COP1: variants seen among roughly 807,000 people sequenced by gnomAD.
The protein encoded by COP1 is COP1 E3 ubiquitin ligase.
A neutral mutation model predicts 101.3 loss-of-function variants in COP1; 24 were observed. The ratio of observed to expected loss-of-function variants is 0.24; its 90% CI spans 0.17 to 0.33. The LOEUF (loss-of-function observed/expected upper bound fraction) is 0.33, where lower values mean the gene tolerates loss of function less well. Ranked by LOEUF, COP1 falls within the 10% of genes least tolerant of loss-of-function variation. The probability of loss-of-function intolerance (pLI) is 1.00; values close to 1 mark genes in which losing one functional copy is unlikely to be tolerated. For synonymous variants in COP1, 347 were observed against 341.9 expected (o/e 1.01, Z -0.17); for missense variants, 663 against 906.2 (o/e 0.73, Z 3.45).
chr1:176,188,780 T>C (rs922736118), intron 1 of COP1, among the ~76,000 whole-genome samples: 1 of 151,426 alleles, frequency 6.6e-6, no homozygotes, highest in Non-Finnish European at 1.5e-5. Flanking sequence ...ATTTCCCCCC[T>C]CTCTTCCTCT....
intron 17 of COP1, 131 bp from the exon 18 acceptor site, chr1:175,987,234 C>T: frequency 2.0e-6 from 1 of 489,776 alleles, no homozygotes; most frequent in Non-Finnish European, 3.6e-6. Flanking sequence ...AAGGCTAGAT[C>T]ACAGGACTAA....
chr1:175,993,491 T>C (rs1361170942), intron 15 of COP1, among the ~76,000 whole-genome samples: 4 of 152,014 alleles, frequency 2.6e-5, no homozygotes. Flanking sequence ...AGTTGAAAAC[T>C]TTGAAAAAAA....
At position 175,983,580 on chromosome 1, in the gene COP1, G is replaced by A. The variant is rs117805422; in HGVS notation, c.2133+3363C>T. Reference sequence around the variant, plus strand: ...AAATTGGTACCAGAAGTGGGGTGCTGCTGAAAAGATACCCCAAAATGTGGA... The same window carrying A: ...AAATTGGTACCAGAAGTGGGGTGCTACTGAAAAGATACCCCAAAATGTGGA... On this transcript the variant is annotated intron_variant, in intron 18 of 19. Transcript: ENST00000367669. 2.3e-3 allele frequency among the ~76,000 whole-genome samples: 346 copies of A among 152,292 alleles called. 13 individuals carry two copies. In the East Asian group the frequency reaches 0.063, roughly 28 times the overall value.
chr1:176,163,599 A>G (rs549668065), intron 4 of COP1, among the ~76,000 whole-genome samples: 1 of 152,326 alleles, frequency 6.6e-6, no homozygotes, highest in East Asian at 1.9e-4. Context: ...AAATGTTTCA[A>G]TATAATCCTA....
In COP1 at chr1:175,988,342, T is replaced by G; in HGVS notation, c.1918A>C (p.Ile640Leu). The change falls in exon 17 of 20, where the codon ATC becomes CTC. Residue 640 changes from isoleucine to leucine, a missense_variant. Around this residue, in one of 4 missense-constraint regions of COP1, gnomAD observed 209 missense variants for 383.3 expected, o/e 0.55. Coordinates refer to ENST00000367669, the MANE Select transcript of COP1 (RefSeq NM_022457.7). ...PYCLRSFKGH[I>L]NEKNFVGLAS... is the part of the protein sequence containing the mutation. ...AGGCCTACAAAGTTTTTTTCATTGA[T>G]ATGACCCTTGAAGGAACGTAGGCAG... 1 of 1,612,808 alleles carries G rather than the reference T, an allele frequency of 6.2e-7. No individual in the cohort carries two copies. The highest frequency in any genetic ancestry group is 1.1e-5 in the South Asian group (1 of 90,996).
At chr1:176,093,875 T>C (rs957058830) in intron 9 of COP1, among the ~76,000 whole-genome samples, 1 of 148,350 alleles carries the variant, frequency 6.7e-6, no homozygotes, top group African/African-American at 2.5e-5. Flanking sequence ...AAAAACAAGT[T>C]AGCTGGGCAT....
intron 9 of COP1, among the ~76,000 whole-genome samples, chr1:176,112,679 G>A (rs1685503230): frequency 6.6e-6 from 1 of 151,970 alleles, no homozygotes; most frequent in African/African-American, 2.4e-5. Context: ...CTGTATTTTT[G>A]TACCCATTAA....
chr1:176,006,485 A>G (rs1663251946), intron 15 of COP1, among the ~76,000 whole-genome samples: 1 of 152,196 alleles, frequency 6.6e-6, no homozygotes, highest in South Asian at 2.1e-4. Flanking sequence ...AGTGGCTGGT[A>G]TGGGTTGTTC....
At chr1:175,997,009 C>T (rs1435369544) in intron 15 of COP1, among the ~76,000 whole-genome samples, 10 of 151,254 alleles carry the variant, frequency 6.6e-5, no homozygotes, top group Non-Finnish European at 3.0e-5. Flanking sequence ...TACTACAAGG[C>T]TACAGTAACC....
intron 18 of COP1, among the ~76,000 whole-genome samples, chr1:175,965,225 A>T (rs1651858901): frequency 6.6e-6 from 1 of 152,144 alleles, no homozygotes; most frequent in African/African-American, 2.4e-5. Context: ...TTCACTCAGG[A>T]TCCTACAGCC....
chr1:175,967,846 G>T (rs1230538159), intron 18 of COP1, among the ~76,000 whole-genome samples: 1 of 151,950 alleles, frequency 6.6e-6, no homozygotes, highest in African/African-American at 2.4e-5. Context: ...AGCCAATGTG[G>T]CCCCTTAGAA....
At position 176,193,302 on chromosome 1, in the gene COP1, C is replaced by T. The variant is rs557729947; in HGVS notation, c.408-8610G>A. ...TTGACAAGATGTGGAGAAATTAGAACCCTTATACATTGCTAGTAGGAAAAT... is the reference window on the plus strand; with the variant it reads ...TTGACAAGATGTGGAGAAATTAGAATCCTTATACATTGCTAGTAGGAAAAT... On this transcript the variant is annotated intron_variant, in intron 1 of 19. Transcript: ENST00000367669. Among the ~76,000 whole-genome samples, 122 of 152,224 alleles carry T rather than the reference C, an allele frequency of 8.0e-4. 1 individual carries two copies. The highest frequency in any genetic ancestry group is 1.5e-3 in the Non-Finnish European group (102 of 68,002).
At chr1:176,081,405 T>G in intron 10 of COP1, 118 bp from the exon 11 acceptor site, 1 of 766,506 alleles carries the variant, frequency 1.3e-6, no homozygotes. Context: ...TTTTTAAAGA[T>G]TTTACTAAAG....
rs11367274 is a variant in COP1, at chr1:176,202,185, C to CT, written c.407+4386dup. On this transcript the variant is annotated intron_variant, in intron 1 of 19. Transcript: ENST00000367669. ...AGATTCTATGATACGTTCTAGTTCA[C>CT]TTTTTTTTTTTTTTTTTTTTTGGAG... Among the ~76,000 whole-genome samples, 460 of 96,362 alleles carry CT rather than the reference C, an allele frequency of 4.8e-3. 5 individuals carry two copies. The highest frequency in any genetic ancestry group is 0.011 in the Middle Eastern group (2 of 182). The allele number at this position is 96,362 out of a possible 152,430, so 63.2% of individuals were successfully genotyped here.
At chr1:176,105,754 C>T (rs1261028910) in intron 9 of COP1, among the ~76,000 whole-genome samples, 1 of 152,134 alleles carries the variant, frequency 6.6e-6, no homozygotes, top group African/African-American at 2.4e-5. Flanking sequence ...CAAAACACAT[C>T]AGTTGGTCAG....
At chr1:176,149,154 T>C in intron 5 of COP1, 80 bp from the exon 6 acceptor site, 4 of 755,392 alleles carry the variant, frequency 5.3e-6, no homozygotes, top group Non-Finnish European at 8.1e-6. Context: ...GCATAAACAG[T>C]ATGAAGCAAA....
At chr1:176,041,378 C>T (rs1339899487) in intron 14 of COP1, among the ~76,000 whole-genome samples, 5 of 139,294 alleles carry the variant, frequency 3.6e-5, no homozygotes, top group African/African-American at 5.4e-5. Flanking sequence ...GACAGAGTCT[C>T]GCTCTGTCAT....
chr1:175,991,418 T>C (rs182787552), intron 15 of COP1, among the ~76,000 whole-genome samples: 102 of 152,304 alleles, frequency 6.7e-4, no homozygotes, highest in Middle Eastern at 6.8e-3. Context: ...AGGGGACTTA[T>C]GATGAATGGA....
At chr1:176,156,509 G>A (rs1558223039) in intron 5 of COP1, among the ~76,000 whole-genome samples, 1 of 152,076 alleles carries the variant, frequency 6.6e-6, no homozygotes, top group Non-Finnish European at 1.5e-5. Flanking sequence ...TTATTAGACT[G>A]TGTTTTTAAA....
Sources: allele counts gnomAD v4.1 joint callset (sites outside exome capture counted in the v4.1 genomes callset), GRCh38; gene constraint gnomAD v4.1.1; regional missense constraint gnomAD v4.1.1; transcripts MANE v1.5; gene names NCBI Gene and HGNC (gene_info 2026-07-23, HGNC 2026-07-21).